Variants in BRD4 observed in about 807,000 individuals in gnomAD.
BRD4 encodes bromodomain containing 4.
Under a neutral mutation model 142.1 loss-of-function variants are expected in BRD4, and 16 were observed. That is an observed-to-expected ratio of 0.11 (90% CI 0.08 to 0.17). BRD4 has a LOEUF of 0.17. Among genes scored for constraint, BRD4 ranks in the 10% least tolerant of loss-of-function variants. BRD4 has a pLI of 1.00. For missense variants in BRD4, 1,424 were observed against 1,810.9 expected, an observed-to-expected ratio of 0.79 and a Z score of 3.88; for synonymous variants, 833 against 707.5, an observed-to-expected ratio of 1.18 and a Z score of -2.82.
At chr19:15,270,424 T>C (rs1404771169) in intron 2 of BRD4, among the ~76,000 whole-genome samples, 2 of 152,216 alleles carry the variant, frequency 1.3e-5, no homozygotes, top group Non-Finnish European at 1.5e-5. Context: ...GAGGGGAGAC[T>C]GGAAGCAGAC....
chr19:15,307,672 T>C (rs2047925793), intron 1 of BRD4, among the ~76,000 whole-genome samples: 1 of 152,070 alleles, frequency 6.6e-6, no homozygotes, highest in South Asian at 2.1e-4. Context: ...TCCCAACTAC[T>C]TGAGAGGCTG....
rs753334441 is a variant in BRD4 at position 15,257,144 on chromosome 19, C to A, written c.1371G>T (p.Met457Ile). The A allele has an allele frequency of 6.2e-7, 1 of 1,608,450 alleles. No individual in the cohort carries two copies. Among genetic ancestry groups the A allele is most frequent in the Non-Finnish European group, 8.5e-7 (1 of 1,179,380 alleles). ...QDVFEMRFAK[M>I]PDEPEEPVVA... ...CCACTGGCTCCTCAGGCTCGTCCGG[C>A]ATCTTGGCAAAGCGCATTTCGAACA... Residue 457 changes from methionine (M) to isoleucine (I), a missense_variant, in exon 8 of 20, where the codon ATG becomes ATT. By Grantham distance (10) the Met-to-Ile change is conservative (BLOSUM62 1). Around this residue, in one of 16 missense-constraint regions of BRD4, gnomAD observed 90 missense variants for 93.2 expected, o/e 0.97. Coordinates refer to ENST00000679869, the MANE Select transcript of BRD4 (RefSeq NM_001379291.1).
chr19:15,259,125 G>A (rs1175103597), intron 7 of BRD4, among the ~76,000 whole-genome samples: 1 of 152,160 alleles, frequency 6.6e-6, no homozygotes, highest in Non-Finnish European at 1.5e-5. Context: ...GATGTGGGTG[G>A]GCTCAGGTCC....
intron 13 of BRD4, 123 bp downstream of exon 13, chr19:15,244,108 C>T (rs889156193): frequency 6.6e-7 from 1 of 1,510,412 alleles, no homozygotes; most frequent in South Asian, 1.2e-5. Flanking sequence ...AGCCACAGAT[C>T]TTCCCTCTAG....
In BRD4 at chr19:15,255,505, C is replaced by T. The variant is rs747492721; in HGVS notation, c.1839G>A (p.Glu613=). 2 of 1,614,218 alleles carry T rather than the reference C, an allele frequency of 1.2e-6. No individual in the cohort carries two copies. The highest frequency in any genetic ancestry group is 1.1e-5 in the South Asian group (1 of 91,090). The change falls in exon 10 of 20, where the codon GAG becomes GAA. Residue 613 remains glutamate, a synonymous_variant. Transcript: ENST00000679869. ...EEDKCKPMSY[E]EKRQLSLDIN... is the part of the protein sequence containing the mutation. ...TGTCCAAGCTGAGCTGCCGCTTCTCCTCATAGGACATAGGCTTGCACTTGT... is the reference window on the plus strand; with the variant it reads ...TGTCCAAGCTGAGCTGCCGCTTCTCTTCATAGGACATAGGCTTGCACTTGT...
intron 5 of BRD4, 124 bp from the exon 6 acceptor site, chr19:15,264,890 G>C: frequency 9.7e-6 from 14 of 1,437,932 alleles, no homozygotes; most frequent in Non-Finnish European, 1.2e-5. Flanking sequence ...TGGACCCAAA[G>C]ATAATTGCAC....
At chr19:15,330,960 CGAG>C in intron 1 of BRD4, among the ~76,000 whole-genome samples, 1 of 152,082 alleles carries the variant, frequency 6.6e-6, no homozygotes, top group African/African-American at 2.4e-5. Flanking sequence ...CACTGGCTTA[CGAG>C]GTAAACTGCG....
chr19:15,255,535 TTCC>T lies in BRD4; in HGVS notation c.1806_1808del (p.Glu604del). On this transcript the variant is annotated inframe_deletion, in exon 10 of 20. Transcript: ENST00000679869. ...AGGACATAGGCTTGCACTTGTCCTCTTCCTCCGACTCATACGTGGGAGGGGGCT... is the reference window on the plus strand; with the variant it reads ...AGGACATAGGCTTGCACTTGTCCTCTTCCGACTCATACGTGGGAGGGGGCT... The T allele has an allele frequency of 6.2e-7, 1 of 1,612,988 alleles. No homozygotes were observed. Among genetic ancestry groups the T allele is most frequent in the Non-Finnish European group, 8.5e-7 (1 of 1,178,998 alleles).
chr19:15,272,482 G>C (rs1181700808), intron 2 of BRD4, among the ~76,000 whole-genome samples: 1 of 152,154 alleles, frequency 6.6e-6, no homozygotes, highest in Non-Finnish European at 1.5e-5. Context: ...GAGAAATGAA[G>C]GGGCTAGGAT....
At chr19:15,246,029 C>A (rs77355930) in intron 11 of BRD4, among the ~76,000 whole-genome samples, 2 of 152,314 alleles carry the variant, frequency 1.3e-5, no homozygotes, top group South Asian at 4.1e-4. Context: ...CACCACTCCA[C>A]GCCAGACAAG....
chr19:15,255,183 T>C (rs2047393391), intron 10 of BRD4, 114 bp downstream of exon 10: 3 of 1,055,018 alleles, frequency 2.8e-6, no homozygotes, highest in Non-Finnish European at 4.0e-6. Context: ...ACAGATATTA[T>C]AATTGGAAAA....
intron 1 of BRD4, among the ~76,000 whole-genome samples, chr19:15,282,019 AAAACAAACAAAC>A: frequency 6.6e-6 from 1 of 151,902 alleles, no homozygotes; most frequent in East Asian, 1.9e-4. Flanking sequence ...CTCCATCTCC[AAAACAAACAAAC>A]AAACAAACAA....
chr19:15,243,189 G>A lies in BRD4; in HGVS notation c.2880C>T (p.Pro960=). The change falls in exon 14 of 20, where the codon CCC becomes CCT. Residue 960 remains proline (P), a synonymous_variant. Transcript: ENST00000679869. ...GCTGCTGCACAGAGGGGTGGGGTGGGGGCGGCAGGGGGGGTGGGGGCTGGG... is the reference window on the plus strand; with the variant it reads ...GCTGCTGCACAGAGGGGTGGGGTGGAGGCGGCAGGGGGGGTGGGGGCTGGG... ...VQSQPPPPLP[P]PPHPSVQQQL... is the part of the protein sequence containing the mutation. 1 of 710,418 alleles carries A rather than the reference G, an allele frequency of 1.4e-6. No homozygotes were observed. Among genetic ancestry groups the A allele is most frequent in the Non-Finnish European group, 2.1e-6 (1 of 487,174 alleles). 44.0% of individuals were successfully genotyped at this position (710,418 alleles called of 1,614,324 possible).
chr19:15,306,842 C>T (rs1053846432), intron 1 of BRD4, among the ~76,000 whole-genome samples: 2 of 152,000 alleles, frequency 1.3e-5, no homozygotes, highest in African/African-American at 2.4e-5. Flanking sequence ...TCACTGATCA[C>T]GAATCATAAC....
chr19:15,278,142 C>CAAAAAAAAAAAAAAAAAAAAAAAAA (rs2047669367), intron 1 of BRD4, among the ~76,000 whole-genome samples: 1 of 89,268 alleles, frequency 1.1e-5, no homozygotes. Context: ...AAAAAAAAAT[C>CAAAAAAAAAAAAAAAAAAAAAAAAA]AAAATCAACA....
intron 6 of BRD4, 65 bp downstream of exon 6, chr19:15,264,329 AAAGGTCTAGG>A: frequency 6.7e-7 from 1 of 1,501,184 alleles, no homozygotes; most frequent in East Asian, 2.3e-5. Flanking sequence ...TCTTGGACTA[AAAGGTCTAGG>A]AAGGTTCTGA....
intron 1 of BRD4, among the ~76,000 whole-genome samples, chr19:15,310,485 T>C (rs1365614435): frequency 6.7e-6 from 1 of 149,734 alleles, no homozygotes; most frequent in Non-Finnish European, 1.5e-5. Context: ...CTCAGCTTCC[T>C]CAGTAGCTGG....
chr19:15,327,917 T>TTG (rs1187205909), intron 1 of BRD4, among the ~76,000 whole-genome samples: 2 of 2,164 alleles, frequency 9.2e-4, no homozygotes, highest in Non-Finnish European at 1.4e-3. Flanking sequence ...TGGATTTCTT[T>TTG]TGGGGGGGGG....
intron 2 of BRD4, 66 bp from the exon 3 acceptor site, chr19:15,269,108 C>A: frequency 6.3e-7 from 1 of 1,586,584 alleles, no homozygotes. Context: ...GCTGGGCTGG[C>A]CAGGCTGGCC....
Sources: allele counts gnomAD v4.1 joint callset (sites outside exome capture counted in the v4.1 genomes callset), GRCh38; gene constraint gnomAD v4.1.1; regional missense constraint gnomAD v4.1.1; transcripts MANE v1.5; gene names NCBI Gene and HGNC (gene_info 2026-07-23, HGNC 2026-07-21).